Variants in LRRC72 observed in about 807,000 individuals in gnomAD.
LRRC72 encodes leucine rich repeat containing 72.
In LRRC72, 41 loss-of-function variants were observed where a neutral mutation model predicts 35.8. The observed-to-expected ratio is 1.15, with a 90% CI of 0.89 to 1.49. The LOEUF (loss-of-function observed/expected upper bound fraction) is 1.49. Among genes scored for constraint, LRRC72 ranks in the 40% most tolerant of loss-of-function variants. LRRC72 has a pLI of 0.00. For synonymous variants in LRRC72, 118 were observed against 119.2 expected, an observed-to-expected ratio of 0.99 and a Z score of 0.07; for missense variants, 389 against 330.7, an observed-to-expected ratio of 1.18 and a Z score of -1.37.
intron 3 of LRRC72, among the ~76,000 whole-genome samples, chr7:16,553,294 C>A (rs1782588271): frequency 6.6e-6 from 1 of 152,128 alleles, no homozygotes; most frequent in African/African-American, 2.4e-5. Flanking sequence ...TAATATCTGC[C>A]AATCTTTGGT....
intron 2 of LRRC72, among the ~76,000 whole-genome samples, chr7:16,536,761 G>A (rs943432383): frequency 6.6e-6 from 1 of 152,012 alleles, no homozygotes; most frequent in Non-Finnish European, 1.5e-5. Context: ...AAATAATTGT[G>A]ATAAAATTTT....
chr7:16,553,607 C>T (rs968995343), intron 3 of LRRC72, among the ~76,000 whole-genome samples: 7 of 152,170 alleles, frequency 4.6e-5, no homozygotes, highest in Non-Finnish European at 1.0e-4. Flanking sequence ...TTCACAATGT[C>T]TAGAGACATT....
intron 3 of LRRC72, among the ~76,000 whole-genome samples, chr7:16,556,070 T>TAAA (rs34275623): frequency 6.8e-6 from 1 of 147,676 alleles, no homozygotes; most frequent in Non-Finnish European, 1.5e-5. Context: ...GAGTCAATAC[T>TAAA]AAAAAAAAAA....
At chr7:16,547,778 G>C (rs1466436438) in intron 3 of LRRC72, among the ~76,000 whole-genome samples, 1 of 152,254 alleles carries the variant, frequency 6.6e-6, no homozygotes, top group African/African-American at 2.4e-5. Flanking sequence ...GGCTAAAGGG[G>C]AGCTGAAGGC....
At chr7:16,560,916 T>C (rs1025910196) in intron 5 of LRRC72, among the ~76,000 whole-genome samples, 1 of 152,150 alleles carries the variant, frequency 6.6e-6, no homozygotes, top group African/African-American at 2.4e-5. Context: ...AAAAAATGAT[T>C]TATTATAGTC....
At chr7:16,558,792 T>G (rs1024562365) in intron 4 of LRRC72, 97 bp from the exon 5 acceptor site, 3 of 566,000 alleles carry the variant, frequency 5.3e-6, no homozygotes, top group Non-Finnish European at 8.3e-6. Flanking sequence ...TTAGTTAGCA[T>G]GTTAATTAGC....
intron 7 of LRRC72, among the ~76,000 whole-genome samples, chr7:16,576,971 G>GTA (rs1783052952): frequency 6.6e-6 from 1 of 152,176 alleles, no homozygotes; most frequent in Non-Finnish European, 1.5e-5. Flanking sequence ...AGACAAGGCA[G>GTA]GACACAATCC....
At chr7:16,550,561 G>C (rs937827422) in intron 3 of LRRC72, among the ~76,000 whole-genome samples, 4 of 152,236 alleles carry the variant, frequency 2.6e-5, no homozygotes, top group Middle Eastern at 3.4e-3. Flanking sequence ...AGTTAGCAAG[G>C]GTTGGGCACA....
At chr7:16,581,062 A>T (rs991567467) in intron 8 of LRRC72, among the ~76,000 whole-genome samples, 6 of 152,208 alleles carry the variant, frequency 3.9e-5, no homozygotes, top group African/African-American at 1.4e-4. Flanking sequence ...CTGCATGAGT[A>T]TGTGAGATCT....
intron 1 of LRRC72, 139 bp from the exon 2 acceptor site, chr7:16,532,356 A>G: frequency 1.6e-6 from 1 of 614,716 alleles, no homozygotes; most frequent in Non-Finnish European, 2.9e-6. Context: ...GTAGCCTTGG[A>G]ATTTATCAGT....
chr7:16,533,465 C>T (rs1221247619), intron 2 of LRRC72, among the ~76,000 whole-genome samples: 1 of 152,140 alleles, frequency 6.6e-6, no homozygotes, highest in Non-Finnish European at 1.5e-5. Context: ...CCTATTCCTA[C>T]ATTTTGTCCC....
intron 3 of LRRC72, among the ~76,000 whole-genome samples, chr7:16,538,348 A>C (rs534419420): frequency 6.6e-6 from 1 of 152,288 alleles, no homozygotes; most frequent in Admixed American, 6.5e-5. Context: ...GTACTAACAG[A>C]TGTTCAAAGT....
Position 16,528,661 on chromosome 7 carries a change from C to T in LRRC72, c.90+1619C>T, listed in dbSNP as rs576425084. ...ACTTTGTTTCCCAGAGGCAGTCTTG[C>T]TTCCTGTCTGCAGTTCTCACTGCAC... On this transcript the variant is annotated intron_variant, in intron 1 of 8. Transcript: ENST00000401542. Among the ~76,000 whole-genome samples, 3 of 152,280 alleles carry T rather than the reference C, an allele frequency of 2.0e-5. No homozygotes were observed. In the East Asian group the frequency reaches 5.8e-4, roughly 30 times the overall value.
intron 7 of LRRC72, among the ~76,000 whole-genome samples, chr7:16,578,170 G>T (rs529327110): frequency 6.6e-6 from 1 of 152,164 alleles, no homozygotes; most frequent in African/African-American, 2.4e-5. Context: ...TGGCACATTT[G>T]TATAATACAA....
chr7:16,527,566 G>A (rs80187793), intron 1 of LRRC72, among the ~76,000 whole-genome samples: 6,076 of 151,998 alleles, frequency 0.04, 180 homozygotes, highest in Non-Finnish European at 0.064. Flanking sequence ...AGCCCTACAA[G>A]CAGAGTCGAG....
At chr7:16,552,382 C>T (rs1782567289) in intron 3 of LRRC72, among the ~76,000 whole-genome samples, 1 of 134,856 alleles carries the variant, frequency 7.4e-6, no homozygotes, top group South Asian at 2.6e-4. Context: ...AAATGGGACT[C>T]CAGAGCACGT....
chr7:16,549,238 G>A (rs1782505831), intron 3 of LRRC72, among the ~76,000 whole-genome samples: 1 of 152,098 alleles, frequency 6.6e-6, no homozygotes, highest in Admixed American at 6.5e-5. Context: ...TGGACATCAT[G>A]GCTAAGAATA....
At chr7:16,536,769 T>G (rs1782265682) in intron 2 of LRRC72, among the ~76,000 whole-genome samples, 1 of 152,160 alleles carries the variant, frequency 6.6e-6, no homozygotes, top group African/African-American at 2.4e-5. Flanking sequence ...GTGATAAAAT[T>G]TTGCCATAAA....
intron 7 of LRRC72, among the ~76,000 whole-genome samples, chr7:16,569,432 A>G (rs1782905291): frequency 6.6e-6 from 1 of 152,112 alleles, no homozygotes; most frequent in Non-Finnish European, 1.5e-5. Flanking sequence ...CAAAAAAACA[A>G]GGACAGGTCT....
Sources: allele counts gnomAD v4.1 joint callset (sites outside exome capture counted in the v4.1 genomes callset), GRCh38; gene constraint gnomAD v4.1.1; transcripts MANE v1.5; gene names NCBI Gene and HGNC (gene_info 2026-07-23, HGNC 2026-07-21).